The following AP3B1 variants were observed in gnomAD, a reference collection of about 807,000 sequenced individuals.
The protein encoded by AP3B1 is adaptor related protein complex 3 subunit beta 1, also known as AP-3 complex subunit beta-1.
In AP3B1, 61 loss-of-function variants were observed where a neutral mutation model predicts 132.5. The observed-to-expected ratio is 0.46, with a 90% CI of 0.37 to 0.57. The LOEUF is 0.57. AP3B1 is among the 20% of genes least tolerant of loss of function. The probability of loss-of-function intolerance (pLI) is 0.00; values close to 1 mark genes in which losing one functional copy is unlikely to be tolerated. For synonymous variants in AP3B1, 388 were observed against 438.3 expected, an observed-to-expected ratio of 0.89 and a Z score of 1.43; for missense variants, 1,120 against 1,289.4, an observed-to-expected ratio of 0.87 and a Z score of 2.01.
intron 11 of AP3B1, among the ~76,000 whole-genome samples, chr5:78,168,916 G>GT (rs1186369644): frequency 3.3e-5 from 5 of 151,810 alleles, no homozygotes; most frequent in Non-Finnish European, 1.5e-5. Context: ...TATAAACCAG[G>GT]TTTTTTTGAT....
chr5:78,046,859 C>G (rs1193773839), intron 22 of AP3B1, among the ~76,000 whole-genome samples: 1 of 152,164 alleles, frequency 6.6e-6, no homozygotes, highest in Non-Finnish European at 1.5e-5. Flanking sequence ...CCCTACTCCC[C>G]CAACCCCCAA....
At chr5:78,212,144 G>C (rs7737699) in intron 7 of AP3B1, among the ~76,000 whole-genome samples, 41,457 of 152,036 alleles carry the variant, frequency 0.27, 5,844 homozygotes, top group Middle Eastern at 0.34. Flanking sequence ...GCTGGGTGTG[G>C]TGGCACATGT....
intron 1 of AP3B1, among the ~76,000 whole-genome samples, chr5:78,268,608 C>G (rs1748427728): frequency 6.6e-6 from 1 of 152,178 alleles, no homozygotes; most frequent in Non-Finnish European, 1.5e-5. Context: ...ACAGCCCAAC[C>G]TCTAATTCCA....
intron 17 of AP3B1, among the ~76,000 whole-genome samples, chr5:78,119,484 G>A (rs2112275177): frequency 6.6e-6 from 1 of 152,280 alleles, no homozygotes; most frequent in African/African-American, 2.4e-5. Flanking sequence ...CCAATGCAGA[G>A]AAGTCCTTAA....
At chr5:78,157,094 G>A (rs544350818) in intron 13 of AP3B1, among the ~76,000 whole-genome samples, 2 of 152,178 alleles carry the variant, frequency 1.3e-5, no homozygotes, top group African/African-American at 2.4e-5. Context: ...GGGGGAGGGC[G>A]GGGATATTTG....
intron 1 of AP3B1, among the ~76,000 whole-genome samples, chr5:78,288,897 A>G (rs1749392637): frequency 6.6e-6 from 1 of 152,006 alleles, no homozygotes; most frequent in Non-Finnish European, 1.5e-5. Flanking sequence ...AAGCAAAAAG[A>G]AAGTAGAGCA....
At chr5:78,278,012 G>T (rs531690235) in intron 1 of AP3B1, among the ~76,000 whole-genome samples, 3 of 152,216 alleles carry the variant, frequency 2.0e-5, no homozygotes, top group South Asian at 4.2e-4. Flanking sequence ...CTTTGCTCAG[G>T]AGATTAGGAA....
At chr5:78,293,458 A>G (rs1289816942) in intron 1 of AP3B1, among the ~76,000 whole-genome samples, 1 of 152,214 alleles carries the variant, frequency 6.6e-6, no homozygotes, top group Admixed American at 6.5e-5. Flanking sequence ...TTGATCCTCA[A>G]TACAGCCAAA....
chr5:78,025,695 C>T (rs1224571041), intron 24 of AP3B1, among the ~76,000 whole-genome samples: 1 of 152,172 alleles, frequency 6.6e-6, no homozygotes, highest in African/African-American at 2.4e-5. Context: ...GCACATGAAA[C>T]AAAAAGGTGG....
At chr5:78,095,680 C>G (rs1023179367) in intron 21 of AP3B1, among the ~76,000 whole-genome samples, 1 of 152,096 alleles carries the variant, frequency 6.6e-6, no homozygotes, top group Non-Finnish European at 1.5e-5. Context: ...TTATCTGTGT[C>G]TCTGACTAGA....
At chr5:78,084,543 A>G (rs1319456024) in intron 22 of AP3B1, among the ~76,000 whole-genome samples, 5 of 147,596 alleles carry the variant, frequency 3.4e-5, no homozygotes, top group Admixed American at 2.7e-4. Flanking sequence ...AAAAAAAAAA[A>G]AAAGAAAAGA....
At chr5:78,121,676 C>G (rs1752206621) in intron 17 of AP3B1, 1 of 152,244 alleles carries the variant, frequency 6.6e-6, no homozygotes, top group Non-Finnish European at 1.5e-5. Flanking sequence ...AGACCGATAA[C>G]AGGCTCTGAA....
chr5:78,077,271 T>A (rs1749804996), intron 22 of AP3B1, among the ~76,000 whole-genome samples: 1 of 152,172 alleles, frequency 6.6e-6, no homozygotes, highest in South Asian at 2.1e-4. Flanking sequence ...TCCACAAGGA[T>A]CAAATCTGTT....
chr5:78,096,768 C>G (rs910061947), intron 21 of AP3B1, among the ~76,000 whole-genome samples: 1 of 150,380 alleles, frequency 6.6e-6, no homozygotes. Context: ...GGAGCCCCTC[C>G]GCCCGGCAGC....
chr5:78,225,398 T>C, intron 6 of AP3B1, 144 bp downstream of exon 6: 1 of 457,830 alleles, frequency 2.2e-6, no homozygotes, highest in Non-Finnish European at 3.8e-6. Flanking sequence ...AAAATTTTTG[T>C]TCTTTAAAAA....
chr5:78,250,230 C>T lies in AP3B1; in HGVS notation c.205-9294G>A, dbSNP rs565083499. 4.6e-5 allele frequency among the ~76,000 whole-genome samples: 7 copies of T among 152,240 alleles called. No homozygotes were observed. In the East Asian group the frequency reaches 1.4e-3, roughly 29 times the overall value. ...AGTACCCTGAGGACAACATACCAAA[C>T]AGCAGAATATATAGTACCTATTCCC... On this transcript the variant is annotated intron_variant, in intron 2 of 26. Coordinates refer to ENST00000255194, the MANE Select transcript of AP3B1 (RefSeq NM_003664.5).
At chr5:78,206,564 C>T (rs994001864) in intron 7 of AP3B1, among the ~76,000 whole-genome samples, 2 of 151,948 alleles carry the variant, frequency 1.3e-5, no homozygotes, top group African/African-American at 4.8e-5. Flanking sequence ...ACATATATAA[C>T]GGACTATATG....
intron 21 of AP3B1, among the ~76,000 whole-genome samples, chr5:78,092,380 T>C (rs1002293170): frequency 1.3e-5 from 2 of 152,202 alleles, no homozygotes; most frequent in African/African-American, 4.8e-5. Flanking sequence ...TATGGCAAGA[T>C]GAAAGTTGGC....
intron 22 of AP3B1, among the ~76,000 whole-genome samples, chr5:78,044,987 T>C (rs1420705447): frequency 2.6e-5 from 4 of 152,186 alleles, no homozygotes; most frequent in African/African-American, 9.7e-5. Context: ...AGGTTATCTG[T>C]GATAATTCCC....
Sources: allele counts gnomAD v4.1 joint callset (sites outside exome capture counted in the v4.1 genomes callset), GRCh38; gene constraint gnomAD v4.1.1; transcripts MANE v1.5; gene names NCBI Gene and HGNC (gene_info 2026-07-23, HGNC 2026-07-21).